The following OR1L8 variants were observed in gnomAD, a reference collection of about 807,000 sequenced individuals.
OR1L8 encodes olfactory receptor 1L8.
For missense variants in OR1L8, 330 were observed against 377.4 expected, an observed-to-expected ratio of 0.87 and a Z score of 1.04; for synonymous variants, 148 against 147.0, an observed-to-expected ratio of 1.01 and a Z score of -0.05.
chr9:122,566,728 T>C (rs1310958304), downstream of OR1L8, among the ~76,000 whole-genome samples: 1 of 151,680 alleles, frequency 6.6e-6, no homozygotes, highest in East Asian at 1.9e-4. Context: ...TACAATAATA[T>C]TACTCAATAC....
intron 4 of OR1L8, among the ~76,000 whole-genome samples, chr9:122,569,465 G>A (rs1335208154): frequency 1.3e-5 from 1 of 76,414 alleles, no homozygotes; most frequent in African/African-American, 5.2e-5. Flanking sequence ...GAGAATTTTT[G>A]TATCAGCAAA....
At chr9:122,561,159 T>C in the OR1L8 span, among the ~76,000 whole-genome samples, 5 of 152,220 alleles carry the variant, frequency 3.3e-5, no homozygotes, top group Admixed American at 6.5e-5. Flanking sequence ...GTTCTTGTGC[T>C]GTGTTTTTCA....
chr9:122,546,862 A>T, the OR1L8 span, among the ~76,000 whole-genome samples: 1 of 152,314 alleles, frequency 6.6e-6, no homozygotes, highest in East Asian at 1.9e-4. Context: ...TTCGGGGGGT[A>T]CATAGTGATG....
Position 122,567,835 on chromosome 9 carries a change from T to G in OR1L8, c.643A>C (p.Ile215Leu), listed in dbSNP as rs980266353. ...AGGATTCGTATATAAGAGAAAGCAA[T>G]GCAGAGAAAACGAGTCACCAAAACA... ...PIVLVTRFLC[I>L]AFSYIRILTT... The change falls in exon 5 of 5, where the codon ATT (isoleucine) becomes CTT (leucine). Residue 215 changes from isoleucine (I) to leucine (L), a missense_variant. By Grantham distance (5) the Ile-to-Leu change is conservative (BLOSUM62 2). Coordinates refer to ENST00000641027, the MANE Select transcript of OR1L8 (RefSeq NM_001004454.2). The G allele has an allele frequency of 1.2e-6, 2 of 1,613,960 alleles. No individual in the cohort carries two copies. Among genetic ancestry groups the G allele is most frequent in the Non-Finnish European group, 1.7e-6 (2 of 1,179,998 alleles).
downstream of OR1L8, among the ~76,000 whole-genome samples, chr9:122,566,118 C>T (rs1408186190): frequency 6.6e-6 from 1 of 152,184 alleles, no homozygotes; most frequent in Non-Finnish European, 1.5e-5. Context: ...TTTAAAAGAT[C>T]TGAAAGAAAA....
chr9:122,569,304 ATC>A (rs1330363166), intron 4 of OR1L8, among the ~76,000 whole-genome samples: 1 of 152,122 alleles, frequency 6.6e-6, no homozygotes, highest in East Asian at 1.9e-4. Flanking sequence ...TAAGTGTTAA[ATC>A]TGTTTTTAAT....
At chr9:122,575,051 C>T (rs902979497) in intron 3 of OR1L8, among the ~76,000 whole-genome samples, 3 of 152,024 alleles carry the variant, frequency 2.0e-5, no homozygotes, top group African/African-American at 7.2e-5. Flanking sequence ...ATAAATTAAA[C>T]TTGGTTGTGA....
downstream of OR1L8, among the ~76,000 whole-genome samples, chr9:122,564,846 A>G (rs1435525832): frequency 6.6e-6 from 1 of 152,244 alleles, no homozygotes; most frequent in African/African-American, 2.4e-5. Flanking sequence ...CCTCAGGAGT[A>G]TATCAATTCT....
the OR1L8 span, among the ~76,000 whole-genome samples, chr9:122,559,844 T>A: frequency 6.6e-6 from 1 of 152,188 alleles, no homozygotes; most frequent in Non-Finnish European, 1.5e-5. Context: ...GTTTATTAGG[T>A]CTACTTGATC....
the OR1L8 span, among the ~76,000 whole-genome samples, chr9:122,552,047 A>T: frequency 1.4e-5 from 2 of 147,396 alleles, no homozygotes; most frequent in Non-Finnish European, 1.5e-5. Context: ...ACACACACAC[A>T]CACACATACA....
At chr9:122,580,999 C>T (rs1285546150) in intron 1 of OR1L8, among the ~76,000 whole-genome samples, 2 of 152,106 alleles carry the variant, frequency 1.3e-5, no homozygotes, top group South Asian at 4.1e-4. Flanking sequence ...CTCAGTGTCT[C>T]TCTAAGGCCA....
the OR1L8 span, among the ~76,000 whole-genome samples, chr9:122,550,115 C>T: frequency 6.6e-6 from 1 of 151,974 alleles, no homozygotes; most frequent in African/African-American, 2.4e-5. Flanking sequence ...TCAGAGACTA[C>T]TATAAACAAC....
chr9:122,547,252 G>A, the OR1L8 span, among the ~76,000 whole-genome samples: 3 of 151,844 alleles, frequency 2.0e-5, no homozygotes, highest in African/African-American at 7.3e-5. Flanking sequence ...CAGCGAAAAG[G>A]GCAAATATAT....
At chr9:122,572,535 G>T (rs1308371907) in intron 4 of OR1L8, among the ~76,000 whole-genome samples, 1 of 151,540 alleles carries the variant, frequency 6.6e-6, no homozygotes, top group Non-Finnish European at 1.5e-5. Context: ...AGTGTATGGG[G>T]CTGGGAATGC....
chr9:122,579,549 G>C (rs1829712576), intron 1 of OR1L8, among the ~76,000 whole-genome samples: 1 of 151,998 alleles, frequency 6.6e-6, no homozygotes, highest in Admixed American at 6.6e-5. Flanking sequence ...TATTACAAAG[G>C]GTATAAGTGA....
At chr9:122,569,232 T>A (rs949623039) in intron 4 of OR1L8, among the ~76,000 whole-genome samples, 22 of 152,176 alleles carry the variant, frequency 1.4e-4, no homozygotes, top group African/African-American at 5.3e-4. Flanking sequence ...TTTTGTAAAT[T>A]GTTTTTCCCT....
chr9:122,557,274 A>AG, the OR1L8 span, among the ~76,000 whole-genome samples: 1 of 152,082 alleles, frequency 6.6e-6, no homozygotes, highest in Non-Finnish European at 1.5e-5. Flanking sequence ...AGCAGTAATG[A>AG]GGGGGGACAT....
chr9:122,552,581 C>CACCAGACACCAGACACCAGACACCA, the OR1L8 span, among the ~76,000 whole-genome samples: 1 of 151,834 alleles, frequency 6.6e-6, no homozygotes, highest in Admixed American at 6.6e-5. Context: ...TGGGGGAGTA[C>CACCAGACACCAGACACCAGACACCA]GACACCAGAC....
At chr9:122,577,932 G>T (rs1210123674) in intron 2 of OR1L8, among the ~76,000 whole-genome samples, 1 of 152,028 alleles carries the variant, frequency 6.6e-6, no homozygotes, top group Non-Finnish European at 1.5e-5. Context: ...TATTTATATT[G>T]TCTATGACCT....
Sources: allele counts gnomAD v4.1 joint callset (sites outside exome capture counted in the v4.1 genomes callset), GRCh38; gene constraint gnomAD v4.1.1; transcripts MANE v1.5; gene names NCBI Gene and HGNC (gene_info 2026-07-23, HGNC 2026-07-21).